Variants in SLC14A2 observed in about 807,000 individuals in gnomAD.
SLC14A2 encodes the protein urea transporter 2.
A neutral mutation model predicts 104.6 loss-of-function variants in SLC14A2; 91 were observed. The observed-to-expected ratio is 0.87, with a 90% CI of 0.73 to 1.04. The LOEUF is 1.04. SLC14A2 is among the 50% of genes least tolerant of loss of function. The pLI, the probability that SLC14A2 is intolerant of heterozygous loss-of-function variation, is 0.00. For synonymous variants in SLC14A2, 476 were observed against 466.4 expected (o/e 1.02, Z -0.27); for missense variants, 1,189 against 1,156.0 (o/e 1.03, Z -0.41).
chr18:45,387,894 G>A (rs2085915545), intron 1 of SLC14A2, among the ~76,000 whole-genome samples: 1 of 152,046 alleles, frequency 6.6e-6, no homozygotes, highest in Non-Finnish European at 1.5e-5. Flanking sequence ...TGTCCATAGG[G>A]CAGACTGAAA....
upstream of SLC14A2, among the ~76,000 whole-genome samples, chr18:45,209,619 G>T (rs1346175275): frequency 1.3e-5 from 2 of 151,848 alleles, no homozygotes; most frequent in Non-Finnish European, 2.9e-5. Context: ...TCTTGACTGG[G>T]AAATCAGAAA....
At chr18:45,475,077 GTCTT>G (rs2087332631) in intron 1 of SLC14A2, among the ~76,000 whole-genome samples, 1 of 152,118 alleles carries the variant, frequency 6.6e-6, no homozygotes, top group Non-Finnish European at 1.5e-5. Context: ...GGTATGTTGT[GTCTT>G]TCTTCTCATT....
the SLC14A2 span, among the ~76,000 whole-genome samples, chr18:45,198,109 G>C: frequency 6.6e-6 from 1 of 152,140 alleles, no homozygotes; most frequent in Non-Finnish European, 1.5e-5. Flanking sequence ...CCCTGGTTCT[G>C]CCTATAGCTA....
intron 1 of SLC14A2, among the ~76,000 whole-genome samples, chr18:45,402,898 C>T (rs762172762): frequency 7.9e-5 from 12 of 152,192 alleles, no homozygotes; most frequent in Middle Eastern, 3.2e-3. Context: ...TTCGTCATGC[C>T]TGTGCACACT....
chr18:45,563,333 TG>T (rs1220393039), intron 2 of SLC14A2, among the ~76,000 whole-genome samples: 9 of 152,326 alleles, frequency 5.9e-5, no homozygotes, highest in Admixed American at 5.2e-4. Flanking sequence ...CTGTAGGAAC[TG>T]GGGGGAACAT....
intron 1 of SLC14A2, among the ~76,000 whole-genome samples, chr18:45,284,953 C>T (rs11082437): frequency 0.19 from 29,025 of 152,030 alleles, 4,315 homozygotes; most frequent in African/African-American, 0.41. Flanking sequence ...AGGGAATAAA[C>T]CACCTGATGG....
intron 2 of SLC14A2, among the ~76,000 whole-genome samples, chr18:45,484,485 C>T (rs191931235): frequency 1.3e-5 from 2 of 152,354 alleles, no homozygotes; most frequent in African/African-American, 4.8e-5. Context: ...TCTCACAGAG[C>T]AGGGATTAGT....
At chr18:45,400,819 T>A (rs906420228) in intron 1 of SLC14A2, among the ~76,000 whole-genome samples, 7 of 152,224 alleles carry the variant, frequency 4.6e-5, no homozygotes, top group African/African-American at 1.7e-4. Flanking sequence ...GATTTCCCTT[T>A]TATTCAATGG....
chr18:45,216,858 C>T (rs1350295071), intron 1 of SLC14A2, among the ~76,000 whole-genome samples: 1 of 152,114 alleles, frequency 6.6e-6, no homozygotes, highest in Non-Finnish European at 1.5e-5. Context: ...ATATTCTTAT[C>T]CTGGGGACAT....
At chr18:45,393,965 A>G (rs2086000687) in intron 1 of SLC14A2, among the ~76,000 whole-genome samples, 2 of 152,220 alleles carry the variant, frequency 1.3e-5, no homozygotes, top group African/African-American at 4.8e-5. Context: ...ATCCAGATTC[A>G]GGTCTAAATG....
At chr18:45,661,923 C>A (rs1053020770) in intron 10 of SLC14A2, among the ~76,000 whole-genome samples, 2 of 152,134 alleles carry the variant, frequency 1.3e-5, no homozygotes, top group Non-Finnish European at 2.9e-5. Context: ...CAACACTGAC[C>A]CCTGGACAGG....
chr18:45,453,677 T>C (rs1009010205), intron 1 of SLC14A2, among the ~76,000 whole-genome samples: 1 of 152,074 alleles, frequency 6.6e-6, no homozygotes, highest in African/African-American at 2.4e-5. Context: ...ACTTTGTGCC[T>C]AAGGCTAGTG....
chr18:45,231,587 G>T (rs1024439896), intron 1 of SLC14A2, among the ~76,000 whole-genome samples: 3 of 152,182 alleles, frequency 2.0e-5, no homozygotes, highest in Non-Finnish European at 4.4e-5. Context: ...CTCCAGTCAG[G>T]ATACTCTGAC....
chr18:45,218,627 G>A (rs1000799798), intron 1 of SLC14A2, among the ~76,000 whole-genome samples: 12 of 152,156 alleles, frequency 7.9e-5, no homozygotes, highest in Admixed American at 3.9e-4. Flanking sequence ...AGGTCAAGTC[G>A]AGTAATAGCT....
chr18:45,589,609 A>G (rs1020011139), intron 2 of SLC14A2, among the ~76,000 whole-genome samples: 3 of 152,152 alleles, frequency 2.0e-5, no homozygotes, highest in Admixed American at 6.5e-5. Context: ...ATCAAATTCA[A>G]TGGATTTTGG....
intron 2 of SLC14A2, among the ~76,000 whole-genome samples, chr18:45,524,455 G>A (rs2043562242): frequency 6.6e-6 from 1 of 152,168 alleles, no homozygotes; most frequent in African/African-American, 2.4e-5. Context: ...TGCCCTTGAT[G>A]GGGTGTGGGA....
chr18:45,352,338 C>G (rs2085511521), intron 1 of SLC14A2, among the ~76,000 whole-genome samples: 1 of 152,132 alleles, frequency 6.6e-6, no homozygotes, highest in Non-Finnish European at 1.5e-5. Flanking sequence ...GATTCTCCAT[C>G]CAGAGGGCAA....
intron 2 of SLC14A2, among the ~76,000 whole-genome samples, chr18:45,541,796 T>C (rs141902810): frequency 7.2e-5 from 11 of 152,268 alleles, no homozygotes; most frequent in African/African-American, 2.6e-4. Flanking sequence ...CATTGTCTCT[T>C]TTCGCCTATG....
intron 1 of SLC14A2, among the ~76,000 whole-genome samples, chr18:45,344,329 C>T (rs2085426532): frequency 6.6e-6 from 1 of 152,176 alleles, no homozygotes; most frequent in Non-Finnish European, 1.5e-5. Context: ...AGGGTTCCAT[C>T]CTGAAAGACT....
Sources: allele counts gnomAD v4.1 joint callset (sites outside exome capture counted in the v4.1 genomes callset), GRCh38; gene constraint gnomAD v4.1.1; transcripts MANE v1.5; gene names NCBI Gene and HGNC (gene_info 2026-07-23, HGNC 2026-07-21).